Variants in GSE1 observed in about 807,000 individuals in gnomAD.
GSE1 encodes the protein genetic suppressor element 1.
A neutral mutation model predicts 112.6 loss-of-function variants in GSE1; 32 were observed. The observed-to-expected ratio is 0.28, with a 90% CI of 0.21 to 0.38. The LOEUF is 0.38. Among genes scored for constraint, GSE1 ranks in the 10% least tolerant of loss-of-function variants. GSE1 has a pLI of 1.00. For synonymous variants in GSE1, 1,115 were observed against 735.6 expected (o/e 1.52, Z -8.35); for missense variants, 2,348 against 1,699.2 (o/e 1.38, Z -6.71).
chr16:85,661,512 C>G lies in GSE1; in HGVS notation c.2007C>G (p.Pro669=), dbSNP rs775473962. The G allele has an allele frequency of 1.4e-5, 23 of 1,611,722 alleles. No individual in the cohort carries two copies. Among genetic ancestry groups the G allele is most frequent in the South Asian group, 1.3e-4 (12 of 91,054 alleles). Residue 669 remains proline (P), a synonymous_variant, in exon 9 of 16, where the codon CCC becomes CCG. Coordinates refer to ENST00000253458, the MANE Select transcript of GSE1 (RefSeq NM_014615.5). The stretch of plus-strand genomic sequence containing the variant: ...GCCTGGAGCACCAGCCCTTCCTGCC[C>G]GGGCCCGGGCCCTTCCTGGCTGAGC... The part of the protein sequence containing the change: ...GGSLEHQPFL[P]GPGPFLAELE...
chr16:85,335,361 G>A (rs776051859), intron 1 of GSE1, among the ~76,000 whole-genome samples: 6 of 152,234 alleles, frequency 3.9e-5, no homozygotes, highest in East Asian at 3.9e-4. Flanking sequence ...TTCTTTCCTC[G>A]GCAAGCGAGT....
chr16:85,215,992 T>C (rs939944595), intron 1 of GSE1, among the ~76,000 whole-genome samples: 14 of 152,150 alleles, frequency 9.2e-5, no homozygotes, highest in Non-Finnish European at 1.9e-4. Context: ...AGAGACATAC[T>C]TGACACGTGT....
At position 85,648,881 on chromosome 16, in the gene GSE1, C is replaced by T. The variant is rs1193823355; in HGVS notation, c.426+130C>T. On this transcript the variant is annotated intron_variant, in intron 3 of 15. Transcript: ENST00000253458. ...ACACCCCCTCCCCCACCCTGAGTTT[C>T]CGTCTCCTTCTCTGCAACGTGAGGG... The T allele has an allele frequency of 1.1e-5, 6 of 536,876 alleles. 1 individual carries two copies. Among genetic ancestry groups the T allele is most frequent in the African/African-American group, 4.0e-5 (2 of 50,494 alleles). 33.3% of individuals were successfully genotyped at this position (536,876 alleles called of 1,614,324 possible).
At chr16:85,305,257 T>G (rs2055189194) in intron 1 of GSE1, among the ~76,000 whole-genome samples, 1 of 152,192 alleles carries the variant, frequency 6.6e-6, no homozygotes, top group Non-Finnish European at 1.5e-5. Flanking sequence ...CTAGAATCTC[T>G]GACGATGGAC....
rs1278832490 is a variant in GSE1, at chr16:85,516,454, CTACAA to C, written c.2465-117459_2465-117455del. Reference sequence around the variant, plus strand: ...GGGCTGCATAGAGAGACCCCCATCTCTACAAAAAAAAAAAAAAAAAAAAAAATTAG... The same window carrying C: ...GGGCTGCATAGAGAGACCCCCATCTCAAAAAAAAAAAAAAAAAAAAATTAG... On this transcript the variant is annotated intron_variant, in intron 2 of 2. Coordinates refer to the GSE1 transcript ENST00000637419. Among the ~76,000 whole-genome samples, 22 of 75,220 alleles carry C rather than the reference CTACAA, an allele frequency of 2.9e-4. No individual in the cohort carries two copies. In the Admixed American group the frequency reaches 3.6e-3, roughly 12 times the overall value. The allele number at this position is 75,220 out of a possible 152,430, so 49.3% of individuals were successfully genotyped here. A position where few individuals can be genotyped will look rare whatever the true frequency, so the allele number is the denominator to read the frequency against.
intron 2 of GSE1, among the ~76,000 whole-genome samples, chr16:85,478,499 C>T (rs1454600180): frequency 6.7e-6 from 1 of 148,904 alleles, no homozygotes; most frequent in Non-Finnish European, 1.5e-5. Flanking sequence ...TGCACTGCAG[C>T]CTGGGTGACA....
At chr16:85,512,723 C>T (rs2051790062) in intron 2 of GSE1, among the ~76,000 whole-genome samples, 1 of 152,130 alleles carries the variant, frequency 6.6e-6, no homozygotes, top group Non-Finnish European at 1.5e-5. Context: ...TATCAAAGCG[C>T]TCCCATCACC....
intron 2 of GSE1, among the ~76,000 whole-genome samples, chr16:85,446,068 T>A (rs542400601): frequency 3.2e-4 from 48 of 152,352 alleles, no homozygotes; most frequent in Admixed American, 2.4e-3. Context: ...AAACATTAGC[T>A]GCTGGTATCA....
chr16:85,558,389 C>T (rs2045341024), intron 1 of GSE1, among the ~76,000 whole-genome samples: 1 of 152,020 alleles, frequency 6.6e-6, no homozygotes, highest in African/African-American at 2.4e-5. Flanking sequence ...CTTCAAAGCA[C>T]AGGTGTTTGT....
At chr16:85,231,341 G>A (rs893292154) in intron 1 of GSE1, among the ~76,000 whole-genome samples, 1 of 150,480 alleles carries the variant, frequency 6.6e-6, no homozygotes, top group Non-Finnish European at 1.5e-5. Context: ...ATGGATGGAT[G>A]GACAGATGGA....
At chr16:85,583,829 C>A (rs924134129) in intron 1 of GSE1, among the ~76,000 whole-genome samples, 1 of 152,190 alleles carries the variant, frequency 6.6e-6, no homozygotes, top group African/African-American at 2.4e-5. Flanking sequence ...GCTGGAGGGG[C>A]TGTCTGGAGC....
At chr16:85,665,520 C>G (rs916408831) in intron 12 of GSE1, among the ~76,000 whole-genome samples, 1 of 152,232 alleles carries the variant, frequency 6.6e-6, no homozygotes. Context: ...CGCCCTGGCT[C>G]TCTTCCTGCT....
intron 2 of GSE1, among the ~76,000 whole-genome samples, chr16:85,513,483 A>AC (rs576985420): frequency 2.0e-5 from 3 of 151,380 alleles, no homozygotes; most frequent in African/African-American, 7.3e-5. Flanking sequence ...CCTGCAGGCT[A>AC]CCCCCCTCAC....
rs1244167658 is a variant in GSE1 at position 85,668,199 on chromosome 16, A to T, written c.3190A>T (p.Asn1064Tyr). ...CAAGGTTGACACGTCCGTCCACTAC[A>T]ACATTCCTGAGCTGCAGTCCTCCAG... The part of the protein sequence containing the change: ...NHKVDTSVHY[N>Y]IPELQSSSRA... Residue 1064 changes from asparagine to tyrosine, a missense_variant, in exon 14 of 16, where the codon AAC becomes TAC. Transcript: ENST00000253458. 8 of 1,610,384 alleles carry T rather than the reference A, an allele frequency of 5.0e-6. No individual in the cohort carries two copies. Among genetic ancestry groups the T allele is most frequent in the Non-Finnish European group, 6.8e-6 (8 of 1,176,968 alleles).
At chr16:85,253,424 T>A (rs1270749725) in intron 1 of GSE1, among the ~76,000 whole-genome samples, 2 of 151,994 alleles carry the variant, frequency 1.3e-5, no homozygotes, top group South Asian at 4.2e-4. Flanking sequence ...TGGGGTGGGG[T>A]CTCCAGGGGG....
chr16:85,419,781 ACT>A lies in GSE1; in HGVS notation c.2464+62141_2464+62142del, dbSNP rs759262628. Among the ~76,000 whole-genome samples the A allele has an allele frequency of 6.7e-6, 1 of 149,078 alleles. No homozygotes were observed. The highest frequency in any genetic ancestry group is 2.5e-5 in the African/African-American group (1 of 40,424). Reference sequence around the variant, plus strand: ...CCCGCCCCGCCCCCACCCCTCCAAGACTCTGATGGAAATGGTCCGAGTAGGGC... The same window carrying A: ...CCCGCCCCGCCCCCACCCCTCCAAGACTGATGGAAATGGTCCGAGTAGGGC... On this transcript the variant is annotated intron_variant, in intron 2 of 2. Transcript: ENST00000637419. The surrounding 1 kb of genome is among the most constrained non-coding windows in gnomAD (Gnocchi z 6.5).
rs771161124 is a variant in GSE1, at chr16:85,634,018, C to G, written c.112C>G (p.Leu38Val). ...PLTPSPLNGA[L>V]VPSGSPATSS... ...CACCCCCTCGCCGCTCAATGGCGCC[C>G]TGGTGCCCAGCGGCAGCCCCGCCAC... The change falls in exon 2 of 16, where the codon CTG (leucine) becomes GTG (valine). Residue 38 changes from leucine (L) to valine (V), a missense_variant. Transcript: ENST00000253458. The G allele has an allele frequency of 2.4e-5, 39 of 1,611,764 alleles. No homozygotes were observed. Among genetic ancestry groups the G allele is most frequent in the Non-Finnish European group, 3.1e-5 (37 of 1,179,132 alleles).
At position 85,170,428 on chromosome 16, in the gene GSE1, A is replaced by G. The variant is rs959011057; in HGVS notation, c.904A>G (p.Lys302Glu). Residue 302 changes from lysine (K) to glutamate (E), a missense_variant, in exon 1 of 3, where the codon AAG becomes GAG. Physicochemically the swap from Lys to Glu is moderately conservative, Grantham distance 56. Transcript: ENST00000637419. ...AGGGCCTCCCTCTGGCAGAGCCACT[A>G]AGACCCTGGAGAGCAGGCCGCTGGG... The G allele has an allele frequency of 4.1e-6, 4 of 985,424 alleles. No homozygotes were observed. In the African/African-American group the frequency reaches 7.0e-5, roughly 17 times the overall value. The allele number at this position is 985,424 out of a possible 1,614,324, so 61.0% of individuals were successfully genotyped here.
chr16:85,296,902 A>G (rs888375105), intron 1 of GSE1, among the ~76,000 whole-genome samples: 23 of 152,008 alleles, frequency 1.5e-4, no homozygotes, highest in African/African-American at 4.8e-4. Flanking sequence ...GTGGGGTCTG[A>G]ACCCAGGGGG....
Sources: gnomAD v4.1 joint callset for allele counts (sites outside exome capture counted in the v4.1 genomes callset) on GRCh38, gnomAD v4.1.1 for gene constraint, Gnocchi (gnomAD v3.1) non-coding constraint, MANE v1.5 for transcripts, NCBI Gene and HGNC (gene_info 2026-07-23, HGNC 2026-07-21) for gene names.